Variants in ENKUR observed in about 807,000 individuals in gnomAD.
ENKUR encodes enkurin, TRPC channel interacting protein, also known as enkurin.
A neutral mutation model predicts 27.6 loss-of-function variants in ENKUR; 19 were observed. The observed-to-expected ratio is 0.69, with a 90% CI of 0.48 to 1.01. The LOEUF is 1.01. Among genes scored for constraint, ENKUR ranks in the 50% least tolerant of loss-of-function variants. The pLI, the probability that ENKUR is intolerant of heterozygous loss-of-function variation, is 0.00. For missense variants in ENKUR, 312 were observed against 310.5 expected (o/e 1.00, Z -0.04); for synonymous variants, 117 against 96.9 (o/e 1.21, Z -1.22).
At chr10:25,026,820 A>G (rs1850863433) in intron 2 of ENKUR, among the ~76,000 whole-genome samples, 1 of 152,190 alleles carries the variant, frequency 6.6e-6, no homozygotes, top group Non-Finnish European at 1.5e-5. Context: ...AGCAAGAGAA[A>G]TTTGTTTTAA....
At chr10:25,010,002 T>G (rs1324582558) in intron 1 of ENKUR, among the ~76,000 whole-genome samples, 2 of 152,148 alleles carry the variant, frequency 1.3e-5, no homozygotes, top group African/African-American at 2.4e-5. Flanking sequence ...AGTGGGATGC[T>G]GCTATAAAGA....
upstream of ENKUR, among the ~76,000 whole-genome samples, chr10:25,021,141 A>G (rs1037679101): frequency 6.6e-6 from 1 of 152,186 alleles, no homozygotes; most frequent in African/African-American, 2.4e-5. Flanking sequence ...TTGTACCTAC[A>G]TATTTGGGTT....
At chr10:25,005,174 G>A (rs916493927) in intron 1 of ENKUR, among the ~76,000 whole-genome samples, 1 of 152,092 alleles carries the variant, frequency 6.6e-6, no homozygotes, top group African/African-American at 2.4e-5. Flanking sequence ...CTGTAGTATA[G>A]TTTGAAGTCA....
upstream of ENKUR, among the ~76,000 whole-genome samples, chr10:25,017,512 A>G (rs1302742597): frequency 2.6e-5 from 4 of 151,908 alleles, no homozygotes; most frequent in Admixed American, 2.6e-4. Context: ...AAACAACACA[A>G]TGGCCTGGTG....
chr10:24,984,964 G>A, intron 4 of ENKUR, 59 bp from the exon 5 acceptor site: 4 of 1,315,978 alleles, frequency 3.0e-6, no homozygotes, highest in Non-Finnish European at 4.3e-6. Flanking sequence ...AAAGGAAATG[G>A]GAAAAGCTAA....
intron 1 of ENKUR, among the ~76,000 whole-genome samples, chr10:25,013,669 G>A (rs562827453): frequency 5.3e-5 from 8 of 152,350 alleles, no homozygotes; most frequent in East Asian, 1.9e-4. Flanking sequence ...TAGGCCAGGC[G>A]TGGTGGCTCA....
At chr10:25,051,953 A>C (rs561596614) in intron 2 of ENKUR, among the ~76,000 whole-genome samples, 1 of 152,354 alleles carries the variant, frequency 6.6e-6, no homozygotes, top group Admixed American at 6.5e-5. Context: ...CCATATCTGC[A>C]TCAGCAACAT....
intron 1 of ENKUR, among the ~76,000 whole-genome samples, chr10:25,015,392 A>G (rs1850543969): frequency 6.6e-6 from 1 of 152,236 alleles, no homozygotes; most frequent in Non-Finnish European, 1.5e-5. Flanking sequence ...AAGCAAATGT[A>G]AATTTATATT....
At chr10:25,001,431 A>C (rs984979501) in intron 1 of ENKUR, among the ~76,000 whole-genome samples, 5 of 151,998 alleles carry the variant, frequency 3.3e-5, no homozygotes, top group African/African-American at 1.2e-4. Context: ...GATTTCATCA[A>C]ATTTGACAAT....
chr10:25,044,668 A>G (rs1276066453), intron 2 of ENKUR, among the ~76,000 whole-genome samples: 1 of 152,232 alleles, frequency 6.6e-6, no homozygotes, highest in Non-Finnish European at 1.5e-5. Flanking sequence ...AAGTGCTGGG[A>G]TTACAGGCAT....
At chr10:25,001,327 T>G (rs1418203662) in intron 1 of ENKUR, among the ~76,000 whole-genome samples, 1 of 152,006 alleles carries the variant, frequency 6.6e-6, no homozygotes, top group Non-Finnish European at 1.5e-5. Context: ...TTTTTTCTCT[T>G]TATTAATAGT....
chr10:25,042,805 T>C (rs1024245608), intron 2 of ENKUR, among the ~76,000 whole-genome samples: 4 of 151,276 alleles, frequency 2.6e-5, no homozygotes, highest in East Asian at 3.9e-4. Flanking sequence ...CAGTGACTTA[T>C]GAGCACACTA....
At chr10:25,055,633 A>G (rs890122055) in intron 2 of ENKUR, among the ~76,000 whole-genome samples, 1 of 152,104 alleles carries the variant, frequency 6.6e-6, no homozygotes, top group African/African-American at 2.4e-5. Flanking sequence ...AACAGTCAGA[A>G]GATTCTACAG....
upstream of ENKUR, among the ~76,000 whole-genome samples, chr10:25,020,079 A>G (rs1850686608): frequency 6.6e-6 from 1 of 152,102 alleles, no homozygotes; most frequent in African/African-American, 2.4e-5. Context: ...TACAAAATAA[A>G]ATTTAGTATG....
chr10:24,995,957 G>T, intron 2 of ENKUR, 88 bp from the exon 3 acceptor site: 1 of 1,037,978 alleles, frequency 9.6e-7, no homozygotes, highest in Non-Finnish European at 1.4e-6. Context: ...TTCACCACTT[G>T]TATATTGAAG....
At chr10:25,051,209 G>A (rs1211879576) in intron 2 of ENKUR, among the ~76,000 whole-genome samples, 1 of 152,212 alleles carries the variant, frequency 6.6e-6, no homozygotes, top group Non-Finnish European at 1.5e-5. Flanking sequence ...CTGAAATATA[G>A]CTCCTCTTCT....
At position 24,982,935 on chromosome 10, in the gene ENKUR, A is replaced by G. The variant is rs762231425; in HGVS notation, c.*1435T>C. On this transcript the variant is annotated 3_prime_UTR_variant, in exon 6 of 6. Transcript: ENST00000331161. ...CAACTCCCACTCATGACTTCAAAGCATAATATCCATAAGGCTAAAGTAATC... is the reference window on the plus strand; with the variant it reads ...CAACTCCCACTCATGACTTCAAAGCGTAATATCCATAAGGCTAAAGTAATC... 5 of 152,276 alleles carry G rather than the reference A, an allele frequency of 3.3e-5. No homozygotes were observed. Among genetic ancestry groups the G allele is most frequent in the Non-Finnish European group, 7.3e-5 (5 of 68,052 alleles). The allele number at this position is 152,276 out of a possible 1,614,324, so 9.4% of individuals were successfully genotyped here.
chr10:24,985,021 C>T (rs559762509), intron 4 of ENKUR, 116 bp from the exon 5 acceptor site: 1 of 831,230 alleles, frequency 1.2e-6, no homozygotes. Context: ...ACAAAAATAA[C>T]TTCTAAAATG....
intron 1 of ENKUR, among the ~76,000 whole-genome samples, chr10:25,007,311 G>A (rs1294353734): frequency 6.6e-6 from 1 of 152,164 alleles, no homozygotes; most frequent in African/African-American, 2.4e-5. Context: ...CTGATTTTAA[G>A]GAGTATTGTT....
Sources: gnomAD v4.1 joint callset for allele counts (sites outside exome capture counted in the v4.1 genomes callset) on GRCh38, gnomAD v4.1.1 for gene constraint, MANE v1.5 for transcripts, NCBI Gene and HGNC (gene_info 2026-07-23, HGNC 2026-07-21) for gene names.